The following ST8SIA4 variants were observed in gnomAD, a reference collection of about 807,000 sequenced individuals.
ST8SIA4 encodes the protein ST8 alpha-N-acetyl-neuraminide alpha-2,8-sialyltransferase 4, also known as CMP-N-acetylneuraminate-poly-alpha-2,8-sialyltransferase.
ST8SIA4 carries 15 observed loss-of-function variants against 33.9 expected under a neutral mutation model. The ratio of observed to expected loss-of-function variants is 0.44; its 90% confidence interval spans 0.30 to 0.68. The LOEUF is 0.68. ST8SIA4 is among the 30% of genes least tolerant of loss of function. The pLI is 0.10. For missense variants in ST8SIA4, 321 were observed against 428.0 expected, an observed-to-expected ratio of 0.75 and a Z score of 2.21; for synonymous variants, 171 against 151.2, an observed-to-expected ratio of 1.13 and a Z score of -0.96.
chr5:100,848,598 A>C (rs1309011344), intron 4 of ST8SIA4, among the ~76,000 whole-genome samples: 1 of 150,082 alleles, frequency 6.7e-6, no homozygotes, highest in East Asian at 1.9e-4. Context: ...TTTACAAAGA[A>C]AGTATATCGC....
intron 1 of ST8SIA4, among the ~76,000 whole-genome samples, chr5:100,896,067 G>C (rs1752772919): frequency 6.6e-6 from 1 of 151,946 alleles, no homozygotes; most frequent in Non-Finnish European, 1.5e-5. Context: ...TATAAAGACA[G>C]AATTACATAA....
intron 4 of ST8SIA4, among the ~76,000 whole-genome samples, chr5:100,826,254 C>G (rs1046474518): frequency 4.6e-5 from 7 of 152,112 alleles, no homozygotes; most frequent in Non-Finnish European, 1.0e-4. Context: ...GTTGTTTCTT[C>G]TCTATATTTA....
rs1206500686 is a variant in ST8SIA4 at position 100,808,490 on chromosome 5, G to A, written c.*3357C>T. ...CAGGCTGAATAATAATGATGAAAATGTTTCCATGGTCTATTCATGTCAACA... is the reference window on the plus strand; with the variant it reads ...CAGGCTGAATAATAATGATGAAAATATTTCCATGGTCTATTCATGTCAACA... On this transcript the variant is annotated 3_prime_UTR_variant, in exon 5 of 5. Transcript: ENST00000231461. The A allele has an allele frequency of 6.6e-6, 1 of 152,484 alleles. No individual in the cohort carries two copies. Among genetic ancestry groups the A allele is most frequent in the Non-Finnish European group, 1.5e-5 (1 of 68,020 alleles). 9.4% of individuals were successfully genotyped at this position (152,484 alleles called of 1,614,324 possible).
intron 4 of ST8SIA4, among the ~76,000 whole-genome samples, chr5:100,836,425 A>C (rs994488866): frequency 2.0e-5 from 3 of 151,938 alleles, no homozygotes; most frequent in African/African-American, 7.2e-5. Flanking sequence ...TGAATGCTGC[A>C]TTCATTTTTT....
intron 1 of ST8SIA4, 88 bp from the exon 2 acceptor site, chr5:100,895,873 G>A (rs1752769711): frequency 7.3e-7 from 1 of 1,377,398 alleles, no homozygotes; most frequent in South Asian, 1.5e-5. Flanking sequence ...AATTACTGGT[G>A]ATGAATTTTA....
At chr5:100,877,688 G>A (rs3776172) in intron 3 of ST8SIA4, among the ~76,000 whole-genome samples, 7,976 of 152,218 alleles carry the variant, frequency 0.052, 636 homozygotes, top group African/African-American at 0.17. Flanking sequence ...AAGGGAAAAC[G>A]TAGTACCAGA....
At position 100,856,214 on chromosome 5, in the gene ST8SIA4, A is replaced by G. The variant is rs1751810573; in HGVS notation, c.686T>C (p.Met229Thr). The stretch of plus-strand genomic sequence containing the variant: ...CACGTGCTTCTCTCCTCCTTTGACC[A>G]TGAAAGCAGGAATCCAAAGGACACT... ...NDSVLWIPAF[M>T]VKGGEKHVEW... Residue 229 changes from methionine to threonine, a missense_variant, in exon 4 of 5, where the codon ATG (methionine) becomes ACG (threonine). Coordinates refer to ENST00000231461, the MANE Select transcript of ST8SIA4 (RefSeq NM_005668.6). The G allele has an allele frequency of 6.2e-7, 1 of 1,614,018 alleles. No individual in the cohort carries two copies. Among genetic ancestry groups the G allele is most frequent in the Admixed American group, 1.7e-5 (1 of 60,000 alleles).
At chr5:100,864,795 AC>A (rs1409933995) in intron 3 of ST8SIA4, among the ~76,000 whole-genome samples, 1 of 152,172 alleles carries the variant, frequency 6.6e-6, no homozygotes, top group Non-Finnish European at 1.5e-5. Context: ...CATAACATAC[AC>A]ATAACTGAAT....
chr5:100,879,468 T>TA (rs1475299986), intron 3 of ST8SIA4, among the ~76,000 whole-genome samples: 1 of 152,126 alleles, frequency 6.6e-6, no homozygotes. Flanking sequence ...GTTTTACCTC[T>TA]AAAGAAATAA....
chr5:100,825,717 T>C (rs1293430792), intron 4 of ST8SIA4, among the ~76,000 whole-genome samples: 2 of 152,224 alleles, frequency 1.3e-5, no homozygotes, highest in East Asian at 1.9e-4. Flanking sequence ...ATATATATTA[T>C]TTATGAATAG....
rs1750724635 is a variant in ST8SIA4, at chr5:100,807,793, C to T, written c.*4054G>A. ...AAATTTAGTGTATACATATTACAGA[C>T]TCAGTGTGTATACAGACATATACAC... On this transcript the variant is annotated 3_prime_UTR_variant, in exon 5 of 5. Coordinates refer to ENST00000231461, the MANE Select transcript of ST8SIA4 (RefSeq NM_005668.6). The T allele has an allele frequency of 6.6e-6, 1 of 152,472 alleles. No homozygotes were observed. The highest frequency in any genetic ancestry group is 6.6e-5 in the Admixed American group (1 of 15,250). 9.4% of individuals were successfully genotyped at this position (152,472 alleles called of 1,614,324 possible). A position where few individuals can be genotyped will look rare whatever the true frequency, so the allele number is the denominator to read the frequency against.
chr5:100,816,628 G>C, intron 4 of ST8SIA4: 1 of 503,348 alleles, frequency 2.0e-6, no homozygotes, highest in Non-Finnish European at 4.0e-6. Context: ...ACAATTTCTA[G>C]AAGAATTTGA....
chr5:100,815,537 G>C (rs967435793), intron 4 of ST8SIA4, among the ~76,000 whole-genome samples: 1 of 150,578 alleles, frequency 6.6e-6, no homozygotes, highest in Non-Finnish European at 1.5e-5. Flanking sequence ...TGTGTTAATA[G>C]AACATTTATA....
chr5:100,896,651 G>C (rs1000425918), intron 1 of ST8SIA4, among the ~76,000 whole-genome samples: 2 of 152,108 alleles, frequency 1.3e-5, no homozygotes, highest in Admixed American at 6.5e-5. Flanking sequence ...TCATTACAAA[G>C]TGTATACTTG....
chr5:100,845,722 ATTAAT>A (rs1751554467), intron 4 of ST8SIA4, among the ~76,000 whole-genome samples: 2 of 152,014 alleles, frequency 1.3e-5, no homozygotes, highest in Admixed American at 6.6e-5. Context: ...AATAATGACA[ATTAAT>A]TTATTTCCCC....
chr5:100,810,166 T>G lies in ST8SIA4; in HGVS notation c.*1681A>C, dbSNP rs1460493102. The G allele has an allele frequency of 6.6e-6, 1 of 152,220 alleles. No homozygotes were observed. The allele number at this position is 152,220 out of a possible 1,614,324, so 9.4% of individuals were successfully genotyped here. On this transcript the variant is annotated 3_prime_UTR_variant, in exon 5 of 5. Coordinates refer to ENST00000231461, the MANE Select transcript of ST8SIA4 (RefSeq NM_005668.6). Reference sequence around the variant, plus strand: ...CTACTATCATAAGTTACCAGAAAACTGGCCTATTGGTCAATTCTGTTATAC... The same window carrying G: ...CTACTATCATAAGTTACCAGAAAACGGGCCTATTGGTCAATTCTGTTATAC...
At chr5:100,874,296 A>G (rs1248452529) in intron 3 of ST8SIA4, among the ~76,000 whole-genome samples, 1 of 152,142 alleles carries the variant, frequency 6.6e-6, no homozygotes, top group Non-Finnish European at 1.5e-5. Flanking sequence ...TGGTCTCTAT[A>G]ATAGGTAAGT....
intron 2 of ST8SIA4, among the ~76,000 whole-genome samples, chr5:100,893,101 T>C (rs1264834108): frequency 6.6e-6 from 1 of 152,156 alleles, no homozygotes; most frequent in Non-Finnish European, 1.5e-5. Flanking sequence ...CAAAGTGATA[T>C]GGAAATTCTT....
intron 4 of ST8SIA4, among the ~76,000 whole-genome samples, chr5:100,841,471 T>G (rs1751469243): frequency 6.6e-6 from 1 of 151,844 alleles, no homozygotes; most frequent in South Asian, 2.1e-4. Context: ...ATCCTCTCCA[T>G]TTACATAGGG....
Sources: gnomAD v4.1 joint callset for allele counts (sites outside exome capture counted in the v4.1 genomes callset) on GRCh38, gnomAD v4.1.1 for gene constraint, MANE v1.5 for transcripts, NCBI Gene and HGNC (gene_info 2026-07-23, HGNC 2026-07-21) for gene names.